ZNF570: variants seen among roughly 807,000 people sequenced by gnomAD.
The protein encoded by ZNF570 is zinc finger protein 570.
ZNF570 carries 8 observed loss-of-function variants against 14.2 expected under a neutral mutation model. The observed-to-expected ratio is 0.56, with a 90% CI of 0.33 to 1.02. ZNF570 has a LOEUF of 1.02. Ranked by LOEUF, ZNF570 falls within the 50% of genes least tolerant of loss-of-function variation. The pLI is 0.03. For synonymous variants in ZNF570, 202 were observed against 207.6 expected, an observed-to-expected ratio of 0.97 and a Z score of 0.23; for missense variants, 559 against 624.9, an observed-to-expected ratio of 0.89 and a Z score of 1.12.
At chr19:37,476,317 C>CTT in intron 3 of ZNF570, 22 bp from the exon 4 acceptor site, 5 of 1,338,820 alleles carry the variant, frequency 3.7e-6, no homozygotes, top group Admixed American at 4.0e-5. Flanking sequence ...CAAAACTCTA[C>CTT]TTTTTTTTTT....
intron 2 of ZNF570, 87 bp from the exon 3 acceptor site, chr19:37,475,794 A>G: frequency 1.5e-6 from 2 of 1,299,648 alleles, no homozygotes; most frequent in Non-Finnish European, 2.1e-6. Context: ...TGAGGATGTA[A>G]TATCAGAGAG....
chr19:37,481,388 C>T lies in ZNF570; in HGVS notation c.257-2491C>T, dbSNP rs1042195802. 2.6e-5 allele frequency among the ~76,000 whole-genome samples: 4 copies of T among 152,096 alleles called. No homozygotes were observed. In the South Asian group the frequency reaches 6.2e-4, roughly 24 times the overall value. ...CAGGCTGGTCTCAAACTCCTGAGCTCGTGATCTGCCCGCCTCAGCCTCCCA... is the reference window on the plus strand; with the variant it reads ...CAGGCTGGTCTCAAACTCCTGAGCTTGTGATCTGCCCGCCTCAGCCTCCCA... On this transcript the variant is annotated intron_variant, in intron 4 of 4. Transcript: ENST00000330173.
chr19:37,469,688 T>G, intron 1 of ZNF570, 131 bp downstream of exon 1: 1 of 955,416 alleles, frequency 1.0e-6, no homozygotes, highest in Non-Finnish European at 1.6e-6. Context: ...GACTGTTCGC[T>G]GCACCTTGTT....
intron 4 of ZNF570, among the ~76,000 whole-genome samples, chr19:37,477,844 T>C (rs1460510787): frequency 1.3e-5 from 2 of 152,210 alleles, no homozygotes. Flanking sequence ...TTTGAATAAG[T>C]GTTCCCTCTG....
At chr19:37,477,585 G>A (rs1306546174) in intron 4 of ZNF570, among the ~76,000 whole-genome samples, 2 of 151,800 alleles carry the variant, frequency 1.3e-5, no homozygotes, top group South Asian at 2.1e-4. Flanking sequence ...CAGGTGATCC[G>A]CCAGCCTCAG....
chr19:37,469,450 AG>A lies in ZNF570; in HGVS notation c.-158del, dbSNP rs1196254549. 42 of 1,535,754 alleles carry A rather than the reference AG, an allele frequency of 2.7e-5. No individual in the cohort carries two copies. Among genetic ancestry groups the A allele is most frequent in the Non-Finnish European group, 3.5e-5 (40 of 1,146,612 alleles). On this transcript the variant is annotated 5_prime_UTR_variant, in exon 1 of 5. Coordinates refer to ENST00000330173, the MANE Select transcript of ZNF570 (RefSeq NM_144694.5). ...TCCCCGAGCCTTCGGGGCAGGAAGG[AG>A]ATCTTCCACCAGTTCTGTTCTGCAG...
chr19:37,469,134 G>A (rs2041906324), upstream of ZNF570: 3 of 1,109,032 alleles, frequency 2.7e-6, no homozygotes, highest in South Asian at 2.6e-5. Flanking sequence ...GAGCTGCAGG[G>A]AATCCGGACT....
intron 2 of ZNF570, among the ~76,000 whole-genome samples, chr19:37,471,009 A>ATTTTTTTTTTTTTTTTTTTTTTTTTTT (rs764609936): frequency 2.4e-5 from 2 of 84,392 alleles, no homozygotes; most frequent in African/African-American, 1.2e-4. Context: ...CAGTGAGTAC[A>ATTTTTTTTTTTTTTTTTTTTTTTTTTT]TTTTTTTTTT....
chr19:37,469,441 G>A lies in ZNF570; in HGVS notation c.-168G>A, dbSNP rs1175222669. 3 of 1,535,230 alleles carry A rather than the reference G, an allele frequency of 2.0e-6. No individual in the cohort carries two copies. Among genetic ancestry groups the A allele is most frequent in the Middle Eastern group, 1.7e-4 (1 of 6,010 alleles). On this transcript the variant is annotated 5_prime_UTR_variant, in exon 1 of 5. Transcript: ENST00000330173. ...AGTGCAGATTCCCCGAGCCTTCGGGGCAGGAAGGAGATCTTCCACCAGTTC... is the reference window on the plus strand; with the variant it reads ...AGTGCAGATTCCCCGAGCCTTCGGGACAGGAAGGAGATCTTCCACCAGTTC...
chr19:37,479,842 C>T (rs945556099), intron 4 of ZNF570, among the ~76,000 whole-genome samples: 3 of 151,776 alleles, frequency 2.0e-5, no homozygotes, highest in African/African-American at 4.8e-5. Context: ...TAGTTTTTTC[C>T]TACTCCTTTA....
At chr19:37,467,874 C>T (rs2146993058), upstream of ZNF570, 1 of 1,536,052 alleles carries the variant, frequency 6.5e-7, no homozygotes, top group South Asian at 1.2e-5. Flanking sequence ...TCTGACCTTG[C>T]AGTTTTGTCA....
In ZNF570 at chr19:37,469,429, C is replaced by A; in HGVS notation, c.-180C>A. Reference sequence around the variant, plus strand: ...CGGTGAGACCCGAGTGCAGATTCCCCGAGCCTTCGGGGCAGGAAGGAGATC... The same window carrying A: ...CGGTGAGACCCGAGTGCAGATTCCCAGAGCCTTCGGGGCAGGAAGGAGATC... On this transcript the variant is annotated 5_prime_UTR_variant, in exon 1 of 5. Transcript: ENST00000330173. 1 of 1,532,836 alleles carries A rather than the reference C, an allele frequency of 6.5e-7. No homozygotes were observed. The highest frequency in any genetic ancestry group is 1.2e-5 in the South Asian group (1 of 83,654). The allele number at this position is 1,532,836 out of a possible 1,614,324, so 95.0% of individuals were successfully genotyped here.
intron 2 of ZNF570, among the ~76,000 whole-genome samples, chr19:37,473,017 G>C (rs1195190547): frequency 6.6e-6 from 1 of 152,176 alleles, no homozygotes; most frequent in Non-Finnish European, 1.5e-5. Flanking sequence ...GGTGCAGGTG[G>C]AAGTGTAGAT....
At position 37,488,038 on chromosome 19, in the gene ZNF570, G is replaced by T. The variant is rs1253543397; in HGVS notation, c.*2805G>T. ...GTGCTATAGGAAGTAGTTGTGTTTA[G>T]CATAATTTGGCAATGTCTAGTAAAG... On this transcript the variant is annotated 3_prime_UTR_variant, in exon 5 of 5. Transcript: ENST00000330173. The T allele has an allele frequency of 6.6e-6, 1 of 152,202 alleles. No individual in the cohort carries two copies. The highest frequency in any genetic ancestry group is 2.4e-5 in the African/African-American group (1 of 41,452). The allele number at this position is 152,202 out of a possible 1,614,324, so 9.4% of individuals were successfully genotyped here.
intron 4 of ZNF570, among the ~76,000 whole-genome samples, chr19:37,479,597 A>C (rs1050434302): frequency 6.6e-6 from 1 of 152,158 alleles, no homozygotes; most frequent in Non-Finnish European, 1.5e-5. Context: ...CATGTTAAAG[A>C]AACTTCTACT....
At chr19:37,468,951 C>G, upstream of ZNF570, 1 of 719,886 alleles carries the variant, frequency 1.4e-6, no homozygotes. Flanking sequence ...TTTGAGTAGA[C>G]GCGCCACTAG....
At chr19:37,470,695 C>CTTTTTTTTTTTTTTTTT (rs760686313) in intron 2 of ZNF570, among the ~76,000 whole-genome samples, 2 of 93,010 alleles carry the variant, frequency 2.2e-5, no homozygotes, top group African/African-American at 4.2e-5. Context: ...CTTATTTATT[C>CTTTTTTTTTTTTTTTTT]TTTTTTTTTT....
intron 2 of ZNF570, among the ~76,000 whole-genome samples, chr19:37,474,569 C>T (rs1367217953): frequency 6.6e-6 from 1 of 152,092 alleles, no homozygotes; most frequent in African/African-American, 2.4e-5. Flanking sequence ...AAGCGATTCT[C>T]CTGCCTCAGC....
In ZNF570 at chr19:37,484,503, G is replaced by A. The variant is rs989806191; in HGVS notation, c.881G>A (p.Arg294Gln). The change falls in exon 5 of 5, where the codon CGA becomes CAA. Residue 294 changes from arginine to glutamine, a missense_variant. By Grantham distance (43) the Arg-to-Gln change is conservative. Transcript: ENST00000330173. ...AATGCACACCTAGTTCAACATCTGC[G>A]AGTTCATACTGGAGAAAAACCTTAC... ...SQNAHLVQHL[R>Q]VHTGEKPYEC... 6 of 1,613,818 alleles carry A rather than the reference G, an allele frequency of 3.7e-6. No homozygotes were observed. Among genetic ancestry groups the A allele is most frequent in the Middle Eastern group, 1.6e-4 (1 of 6,080 alleles).
Sources: gnomAD v4.1 joint callset for allele counts (sites outside exome capture counted in the v4.1 genomes callset) on GRCh38, gnomAD v4.1.1 for gene constraint, MANE v1.5 for transcripts, NCBI Gene and HGNC (gene_info 2026-07-23, HGNC 2026-07-21) for gene names.